The following EVI5L variants were observed in gnomAD, a reference collection of about 807,000 sequenced individuals.
The protein encoded by EVI5L is ecotropic viral integration site 5 like, also known as EVI5-like protein.
Under a neutral mutation model 106.1 loss-of-function variants are expected in EVI5L, and 30 were observed. The ratio of observed to expected loss-of-function variants is 0.28; its 90% CI spans 0.21 to 0.38. The LOEUF (loss-of-function observed/expected upper bound fraction) is 0.38. Among genes scored for constraint, EVI5L ranks in the 10% least tolerant of loss-of-function variants. The pLI is 1.00. For missense variants in EVI5L, 809 were observed against 1,098.0 expected, an observed-to-expected ratio of 0.74 and a Z score of 3.72; for synonymous variants, 489 against 483.3, an observed-to-expected ratio of 1.01 and a Z score of -0.15.
chr19:7,863,161 C>T lies in EVI5L; in HGVS notation c.2044-24C>T. 18 of 1,548,680 alleles carry T rather than the reference C, an allele frequency of 1.2e-5. No homozygotes were observed. The highest frequency in any genetic ancestry group is 1.5e-5 in the Non-Finnish European group (17 of 1,146,450). On this transcript the variant is annotated intron_variant, in intron 18 of 19. Transcript: ENST00000538904. This position sits in a 1 kb window ranked among gnomAD's most constrained non-coding sequence, Gnocchi z 7.7. ...CCCAGGCCCAGCATGGCACTGGCCC[C>T]GCGTGACCTGGCGCACCCCGCAGAG... is the stretch of plus-strand genomic sequence containing the variant.
chr19:7,857,294 CG>C lies in EVI5L; in HGVS notation c.1233+174del. On this transcript the variant is annotated intron_variant, in intron 12 of 19. Transcript: ENST00000538904. The surrounding 1 kb of genome is among the most constrained non-coding windows in gnomAD (Gnocchi z 4.5). The stretch of plus-strand genomic sequence containing the variant: ...GGGACACAGAGGCTTCCCGGGGGGG[CG>C]GGGCATGTGAAGTGGGGAGAAGGGT... 1 of 859,942 alleles carries C rather than the reference CG, an allele frequency of 1.2e-6. No individual in the cohort carries two copies. 53.3% of individuals were successfully genotyped at this position (859,942 alleles called of 1,614,324 possible).
intron 9 of EVI5L, 25 bp downstream of exon 9, chr19:7,853,208 G>A (rs1979345641): frequency 6.2e-7 from 1 of 1,613,880 alleles, no homozygotes; most frequent in Admixed American, 1.7e-5. Context: ...GGCAACCAGG[G>A]TACTGGTAAG....
chr19:7,830,730 C>T (rs1378952833), intron 1 of EVI5L, among the ~76,000 whole-genome samples: 1 of 143,530 alleles, frequency 7.0e-6, no homozygotes, highest in Non-Finnish European at 1.5e-5. Context: ...CCCACTCCGC[C>T]GATCAGCCCC....
chr19:7,852,095 G>C (rs528389922), intron 8 of EVI5L, among the ~76,000 whole-genome samples: 1 of 152,240 alleles, frequency 6.6e-6, no homozygotes, highest in South Asian at 2.1e-4. Flanking sequence ...GATCATGACT[G>C]ACTGACCATG....
chr19:7,846,984 G>A (rs1978981044), intron 2 of EVI5L, among the ~76,000 whole-genome samples: 1 of 152,158 alleles, frequency 6.6e-6, no homozygotes. Flanking sequence ...TTCTTCCTCT[G>A]ACCCTACCCC....
At chr19:7,862,719 ATCCGGCCCCGCCT>A (rs1979888817) in intron 17 of EVI5L, among the ~76,000 whole-genome samples, 185 bp downstream of exon 17, 2 of 54,268 alleles carry the variant, frequency 3.7e-5, no homozygotes, top group African/African-American at 1.3e-4. Flanking sequence ...CCGCCTCCTG[ATCCGGCCCCGCCT>A]CCTGACCACC....
At position 7,848,202 on chromosome 19, in the gene EVI5L, C is replaced by G. The variant is rs1441073060; in HGVS notation, c.327+281C>G. On this transcript the variant is annotated intron_variant, in intron 3 of 19. Coordinates refer to ENST00000538904, the MANE Select transcript of EVI5L (RefSeq NM_001159944.3). This position sits in a 1 kb window ranked among gnomAD's most constrained non-coding sequence, Gnocchi z 4.8. ...GTGTGGTGGCTCACGCCTGGAATCT[C>G]AGCACTTTGGGCGGCCAAGGTGGGA... 6.6e-6 allele frequency among the ~76,000 whole-genome samples: 1 copy of G among 152,070 alleles called. No individual in the cohort carries two copies. Among genetic ancestry groups the G allele is most frequent in the Admixed American group, 6.6e-5 (1 of 15,264 alleles).
intron 1 of EVI5L, among the ~76,000 whole-genome samples, chr19:7,846,282 C>T (rs1326215003): frequency 1.3e-5 from 2 of 152,164 alleles, no homozygotes; most frequent in Non-Finnish European, 2.9e-5. Context: ...AGACATCCGG[C>T]CTGATGACAC....
rs950377809 is a variant in EVI5L at position 7,847,975 on chromosome 19, G to A, written c.327+54G>A. The A allele has an allele frequency of 9.1e-5, 136 of 1,490,746 alleles. No individual in the cohort carries two copies. In the Admixed American group the frequency reaches 1.9e-3, roughly 21 times the overall value. The allele number at this position is 1,490,746 out of a possible 1,614,324, so 92.3% of individuals were successfully genotyped here. ...GGCCGACGGCGTGGGCAGGTGGTGC[G>A]GTCACTCAGCCACCAGGCAGCGCCA... On this transcript the variant is annotated intron_variant, in intron 3 of 19. Coordinates refer to ENST00000538904, the MANE Select transcript of EVI5L (RefSeq NM_001159944.3).
intron 1 of EVI5L, among the ~76,000 whole-genome samples, chr19:7,841,643 C>A (rs976945113): frequency 9.2e-5 from 14 of 152,086 alleles, no homozygotes; most frequent in Non-Finnish European, 1.5e-4. Flanking sequence ...GGTCCAGGAC[C>A]CCCCTTCAGA....
chr19:7,856,149 G>C lies in EVI5L; in HGVS notation c.1200+81G>C, dbSNP rs554928296. 8.0e-7 allele frequency: 1 copy of C among 1,253,796 alleles called. No individual in the cohort carries two copies. Among genetic ancestry groups the C allele is most frequent in the African/African-American group, 1.5e-5 (1 of 65,300 alleles). The allele number at this position is 1,253,796 out of a possible 1,614,324, so 77.7% of individuals were successfully genotyped here. ...CGGGGCATGGCCGCTAACCTGGGGT[G>C]GACTCCTCCAAGTCTTCTCCTCTCT... On this transcript the variant is annotated intron_variant, in intron 11 of 19. Transcript: ENST00000538904. The surrounding 1 kb of genome is among the most constrained non-coding windows in gnomAD (Gnocchi z 6.6).
Position 7,850,014 on chromosome 19 carries a change from C to A in EVI5L, c.645C>A (p.Ala215=). The part of the protein sequence containing the change: ...LLLMQMPEEE[A]FCVFVRLMQE... ...CCCCCTAGATGCCTGAGGAGGAGGC[C>A]TTCTGTGTGTTCGTGCGGCTGATGC... Residue 215 remains alanine (A), a synonymous_variant, in exon 6 of 20, where the codon GCC becomes GCA. Coordinates refer to ENST00000538904, the MANE Select transcript of EVI5L (RefSeq NM_001159944.3). This position sits in a 1 kb window ranked among gnomAD's most constrained non-coding sequence, Gnocchi z 5.4. 6.3e-7 allele frequency: 1 copy of A among 1,599,964 alleles called. No homozygotes were observed. Among genetic ancestry groups the A allele is most frequent in the Non-Finnish European group, 8.5e-7 (1 of 1,173,486 alleles).
chr19:7,860,801 C>G, intron 14 of EVI5L, 112 bp downstream of exon 14: 2 of 1,242,880 alleles, frequency 1.6e-6, no homozygotes, highest in Non-Finnish European at 2.2e-6. Flanking sequence ...CCCATGCACA[C>G]ACAACCATAC....
chr19:7,858,549 G>A lies in EVI5L; in HGVS notation c.1374+218G>A. The stretch of plus-strand genomic sequence containing the variant: ...TATCCATTTCTTGCCACCTCATAGT[G>A]TGTCTGCAGTATCTGACTTCCCAAC... On this transcript the variant is annotated intron_variant, in intron 13 of 19. Coordinates refer to ENST00000538904, the MANE Select transcript of EVI5L (RefSeq NM_001159944.3). This position sits in a 1 kb window ranked among gnomAD's most constrained non-coding sequence, Gnocchi z 5.7. 1 of 630,038 alleles carries A rather than the reference G, an allele frequency of 1.6e-6. No homozygotes were observed. The highest frequency in any genetic ancestry group is 2.1e-5 in the South Asian group (1 of 48,700). The allele number at this position is 630,038 out of a possible 1,614,324, so 39.0% of individuals were successfully genotyped here. A position where few individuals can be genotyped will look rare whatever the true frequency, so the allele number is the denominator to read the frequency against.
Position 7,863,142 on chromosome 19 carries a change from C to A in EVI5L, c.2044-43C>A. Reference sequence around the variant, plus strand: ...GGCAGGAGCGGGGCCGGACCCCAGGCCCAGCATGGCACTGGCCCCGCGTGA... The same window carrying A: ...GGCAGGAGCGGGGCCGGACCCCAGGACCAGCATGGCACTGGCCCCGCGTGA... On this transcript the variant is annotated intron_variant, in intron 18 of 19. Coordinates refer to ENST00000538904, the MANE Select transcript of EVI5L (RefSeq NM_001159944.3). The surrounding 1 kb of genome is among the most constrained non-coding windows in gnomAD (Gnocchi z 7.7). 1 of 1,540,680 alleles carries A rather than the reference C, an allele frequency of 6.5e-7. No individual in the cohort carries two copies. The highest frequency in any genetic ancestry group is 8.8e-7 in the Non-Finnish European group (1 of 1,142,544).
At position 7,848,221 on chromosome 19, in the gene EVI5L, G is replaced by T. The variant is rs1405604983; in HGVS notation, c.327+300G>T. ...GAATCTCAGCACTTTGGGCGGCCAAGGTGGGAGGATCGCTTGAGGCCAGGA... is the reference window on the plus strand; with the variant it reads ...GAATCTCAGCACTTTGGGCGGCCAATGTGGGAGGATCGCTTGAGGCCAGGA... On this transcript the variant is annotated intron_variant, in intron 3 of 19. Transcript: ENST00000538904. This position sits in a 1 kb window ranked among gnomAD's most constrained non-coding sequence, Gnocchi z 4.8. 6.6e-6 allele frequency among the ~76,000 whole-genome samples: 1 copy of T among 152,130 alleles called. No individual in the cohort carries two copies. The highest frequency in any genetic ancestry group is 1.5e-5 in the Non-Finnish European group (1 of 68,002).
Position 7,850,098 on chromosome 19 carries a change from C to T in EVI5L, c.729C>T (p.Ile243=), listed in dbSNP as rs1362669354. 2.5e-6 allele frequency: 4 copies of T among 1,605,432 alleles called. No homozygotes were observed. Among genetic ancestry groups the T allele is most frequent in the Non-Finnish European group, 3.4e-6 (4 of 1,176,472 alleles). ...GCATGGCCGAGCTCGGGCTCTGCAT[C>T]TATCAGTTCGAGTACATGCTGCAGG... ...KPSMAELGLC[I]YQFEYMLQEQ... Residue 243 remains isoleucine (I), a synonymous_variant, in exon 6 of 20, where the codon ATC becomes ATT. Transcript: ENST00000538904. This position sits in a 1 kb window ranked among gnomAD's most constrained non-coding sequence, Gnocchi z 5.4.
At position 7,861,898 on chromosome 19, in the gene EVI5L, C is replaced by T. The variant is rs1979816124; in HGVS notation, c.1524C>T (p.Asp508=). The change falls in exon 15 of 20, where the codon GAC becomes GAT. Residue 508 remains aspartate (D), a synonymous_variant. Transcript: ENST00000538904. ...CGCAGAGGAACAGCTCGCTGCCCGA[C>T]GAGAACAATGTGGCGCAGCTGCAGG... ...DMEKRNSSLP[D]ENNVAQLQEE... The T allele has an allele frequency of 6.4e-7, 1 of 1,551,104 alleles. No individual in the cohort carries two copies. Among genetic ancestry groups the T allele is most frequent in the Non-Finnish European group, 8.7e-7 (1 of 1,147,448 alleles).
chr19:7,833,602 GGTGT>G, intron 1 of EVI5L, among the ~76,000 whole-genome samples: 1 of 152,336 alleles, frequency 6.6e-6, no homozygotes, highest in African/African-American at 2.4e-5. Flanking sequence ...GGCAGGGAAG[GGTGT>G]TCCAGGCAGC....
Sources: allele counts gnomAD v4.1 joint callset (sites outside exome capture counted in the v4.1 genomes callset), GRCh38; gene constraint gnomAD v4.1.1; non-coding constraint Gnocchi (gnomAD v3.1); transcripts MANE v1.5; gene names NCBI Gene and HGNC (gene_info 2026-07-23, HGNC 2026-07-21).